The following TTC17 variants were observed in gnomAD, a reference collection of about 807,000 sequenced individuals.
The protein encoded by TTC17 is tetratricopeptide repeat domain 17.
A neutral mutation model predicts 143.8 loss-of-function variants in TTC17; 58 were observed. That is an observed-to-expected ratio of 0.40 (90% CI 0.33 to 0.50). TTC17 has a LOEUF of 0.50. Among genes scored for constraint, TTC17 ranks in the 20% least tolerant of loss-of-function variants. The pLI, the probability that TTC17 is intolerant of heterozygous loss-of-function variation, is 0.49. For missense variants in TTC17, 1,273 were observed against 1,392.5 expected (o/e 0.91, Z 1.37); for synonymous variants, 501 against 497.8 (o/e 1.01, Z -0.09).
rs780178321 is a variant in TTC17 at position 43,414,722 on chromosome 11, C to T, written c.2197C>T (p.Arg733Cys). 6.2e-6 allele frequency: 10 copies of T among 1,613,634 alleles called. No homozygotes were observed. Among genetic ancestry groups the T allele is most frequent in the African/African-American group, 1.3e-5 (1 of 74,970 alleles). ...PECENSLKLI[R>C]CMQFYPFLYN... is the part of the protein sequence containing the mutation. Reference sequence around the variant, plus strand: ...GTGTGAAAACAGCCTGAAGTTGATCCGCTGTATGCAGTTTTATCCTTTTCT... The same window carrying T: ...GTGTGAAAACAGCCTGAAGTTGATCTGCTGTATGCAGTTTTATCCTTTTCT... The change falls in exon 16 of 24, where the codon CGC (arginine) becomes TGC (cysteine). Residue 733 changes from arginine (R) to cysteine (C), a missense_variant. Physicochemically the swap from Arg to Cys is radical, Grantham distance 180 (BLOSUM62 -3). Coordinates refer to ENST00000039989, the MANE Select transcript of TTC17 (RefSeq NM_018259.6).
intron 21 of TTC17, among the ~76,000 whole-genome samples, chr11:43,471,297 A>G (rs751743980): frequency 6.6e-6 from 1 of 152,212 alleles, no homozygotes; most frequent in Non-Finnish European, 1.5e-5. Flanking sequence ...TTCCTCAGGT[A>G]GAGGCTCGTA....
chr11:43,444,192 C>T lies in TTC17; in HGVS notation c.2648C>T (p.Ala883Val). 6.2e-7 allele frequency: 1 copy of T among 1,609,528 alleles called. No homozygotes were observed. Among genetic ancestry groups the T allele is most frequent in the Non-Finnish European group, 8.5e-7 (1 of 1,178,408 alleles). The change falls in exon 18 of 24, where the codon GCA (alanine) becomes GTA (valine). Residue 883 changes from alanine to valine, a missense_variant. By Grantham distance (64) the Ala-to-Val change is moderately conservative. Around this residue, in one of 3 missense-constraint regions of TTC17, gnomAD observed 878 missense variants for 899.8 expected, o/e 0.98. Coordinates refer to ENST00000039989, the MANE Select transcript of TTC17 (RefSeq NM_018259.6). ...CTAGAGATCACTGGCCCCAAGGTGG[C>T]ATCTCCTGGGCCACAAGGTAAATTT... Reference protein sequence around the residue: ...ANLEITGPKVASPGPQGKKRD... With the variant: ...ANLEITGPKVVSPGPQGKKRD...
chr11:43,360,867 T>C (rs1856076638), intron 1 of TTC17, among the ~76,000 whole-genome samples: 1 of 152,146 alleles, frequency 6.6e-6, no homozygotes, highest in African/African-American at 2.4e-5. Context: ...GCTAAGTAAT[T>C]AGGCTTAAAG....
At position 43,451,209 on chromosome 11, in the gene TTC17, T is replaced by C. The variant is rs144156532; in HGVS notation, c.2974T>C (p.Tyr992His). Residue 992 changes from tyrosine (Y) to histidine (H), a missense_variant, in exon 21 of 24, where the codon TAT becomes CAT. By Grantham distance (83) the Tyr-to-His change is moderately conservative. Around this residue, in one of 3 missense-constraint regions of TTC17, gnomAD observed 878 missense variants for 899.8 expected, o/e 0.98. Transcript: ENST00000039989. ...EVLQNLGKDQ[Y>H]PQQSLEQIGT... ...ATTACAAAATCTCGGCAAAGACCAA[T>C]ATCCACAACAGTCGCTTGAACAGAT... 1.1e-4 allele frequency: 185 copies of C among 1,613,830 alleles called. 1 individual carries two copies. In the African/African-American group the frequency reaches 2.3e-3, roughly 20 times the overall value.
chr11:43,446,170 T>A, intron 18 of TTC17: 1 of 1,318,036 alleles, frequency 7.6e-7, no homozygotes, highest in Non-Finnish European at 9.7e-7. Context: ...GCTCATGTTT[T>A]TACCTCAGTG....
At chr11:43,484,383 C>T (rs947785381) in intron 21 of TTC17, among the ~76,000 whole-genome samples, 9 of 152,074 alleles carry the variant, frequency 5.9e-5, no homozygotes, top group Non-Finnish European at 1.3e-4. Flanking sequence ...ATATAAAGTT[C>T]TCAATAAATC....
intron 21 of TTC17, among the ~76,000 whole-genome samples, chr11:43,471,281 C>T (rs1024580566): frequency 3.9e-5 from 6 of 152,162 alleles, no homozygotes; most frequent in African/African-American, 1.4e-4. Flanking sequence ...TACTTTTGTC[C>T]CCCACTTCCT....
intron 16 of TTC17, among the ~76,000 whole-genome samples, chr11:43,421,005 C>T (rs1946890537): frequency 6.6e-6 from 1 of 152,182 alleles, no homozygotes; most frequent in Non-Finnish European, 1.5e-5. Flanking sequence ...TCAATGAACA[C>T]TTATCTACTA....
chr11:43,442,470 A>T (rs996392068), intron 16 of TTC17, among the ~76,000 whole-genome samples: 3 of 152,232 alleles, frequency 2.0e-5, no homozygotes, highest in African/African-American at 7.2e-5. Context: ...ACTAGGGATG[A>T]CTTTCATGGA....
At chr11:43,407,619 G>T in intron 15 of TTC17, 42 bp downstream of exon 15, 1 of 1,532,256 alleles carries the variant, frequency 6.5e-7, no homozygotes, top group Non-Finnish European at 8.9e-7. Context: ...TACTATGTAG[G>T]GTAACTCAAA....
chr11:43,395,689 A>G (rs1438404371), intron 5 of TTC17, among the ~76,000 whole-genome samples: 2 of 152,212 alleles, frequency 1.3e-5, no homozygotes, highest in African/African-American at 4.8e-5. Flanking sequence ...AGGATGAATA[A>G]TGCAGGATTG....
intron 11 of TTC17, among the ~76,000 whole-genome samples, chr11:43,405,075 T>C (rs895978663): frequency 6.6e-6 from 1 of 151,168 alleles, no homozygotes; most frequent in Non-Finnish European, 1.5e-5. Context: ...ATGTCATCAG[T>C]GACCCATTTC....
intron 16 of TTC17, among the ~76,000 whole-genome samples, chr11:43,423,325 A>C (rs1590395702): frequency 6.6e-6 from 1 of 152,316 alleles, no homozygotes; most frequent in Middle Eastern, 3.4e-3. Context: ...TCATCTATGC[A>C]TTGATGTGCT....
intron 16 of TTC17, among the ~76,000 whole-genome samples, chr11:43,441,403 C>T (rs6485425): frequency 0.23 from 35,189 of 151,544 alleles, 6,160 homozygotes; most frequent in African/African-American, 0.48. Flanking sequence ...AATATTTTTT[C>T]CCTCTAAAAA....
intron 1 of TTC17, among the ~76,000 whole-genome samples, chr11:43,359,497 T>C (rs1432076705): frequency 6.6e-6 from 1 of 152,046 alleles, no homozygotes; most frequent in African/African-American, 2.4e-5. Flanking sequence ...CCCGAGGAAA[T>C]AGAAAGCAGG....
At chr11:43,444,722 T>TACATACACAC (rs1554997503) in intron 18 of TTC17, among the ~76,000 whole-genome samples, 1 of 143,554 alleles carries the variant, frequency 7.0e-6, no homozygotes, top group Non-Finnish European at 1.5e-5. Flanking sequence ...ACCAAATACA[T>TACATACACAC]ACACACACAC....
In TTC17 at chr11:43,358,975, T is replaced by C. The variant is rs1376797069; in HGVS notation, c.21T>C (p.Val7=). The C allele has an allele frequency of 6.3e-7, 1 of 1,580,208 alleles. No homozygotes were observed. ...GCAAGATGGCGGCGGCAGTAGGGGTTCGTGGCCGGTACGAGCTGCCGCCTT... is the reference window on the plus strand; with the variant it reads ...GCAAGATGGCGGCGGCAGTAGGGGTCCGTGGCCGGTACGAGCTGCCGCCTT... MAAAVG[V]RGRYELPPCS... Residue 7 remains valine, a synonymous_variant, in exon 1 of 24, where the codon GTT becomes GTC. Transcript: ENST00000039989.
intron 1 of TTC17, among the ~76,000 whole-genome samples, chr11:43,375,004 A>C: frequency 6.6e-6 from 1 of 152,196 alleles, no homozygotes; most frequent in East Asian, 1.9e-4. Flanking sequence ...ACACATCAAT[A>C]CTTTCTGTAT....
In TTC17 at chr11:43,389,768, G is replaced by C; in HGVS notation, c.366G>C (p.Gly122=). ...PDCIKAKVPL[G]DLDLYDGTYI... ...GCATCAAAGCCAAGGTGCCCTTAGG[G>C]GACCTGGATCTATATGATGGCACAT... Residue 122 remains glycine, a synonymous_variant, in exon 3 of 24, where the codon GGG becomes GGC. Coordinates refer to ENST00000039989, the MANE Select transcript of TTC17 (RefSeq NM_018259.6). The C allele has an allele frequency of 6.2e-7, 1 of 1,613,930 alleles. No individual in the cohort carries two copies. The highest frequency in any genetic ancestry group is 8.5e-7 in the Non-Finnish European group (1 of 1,179,948).
Sources: allele counts gnomAD v4.1 joint callset (sites outside exome capture counted in the v4.1 genomes callset), GRCh38; gene constraint gnomAD v4.1.1; regional missense constraint gnomAD v4.1.1; transcripts MANE v1.5; gene names NCBI Gene and HGNC (gene_info 2026-07-23, HGNC 2026-07-21).